Variants in NCKAP5 observed in about 807,000 individuals in gnomAD.
NCKAP5 encodes nck-associated protein 5.
NCKAP5 carries 92 observed loss-of-function variants against 167.0 expected under a neutral mutation model. The observed-to-expected ratio is 0.55, with a 90% CI of 0.47 to 0.66. The LOEUF is 0.66. Ranked by LOEUF, NCKAP5 falls within the 30% of genes least tolerant of loss-of-function variation. NCKAP5 has a pLI of 0.00. For synonymous variants in NCKAP5, 891 were observed against 877.4 expected (o/e 1.02, Z -0.27); for missense variants, 2,378 against 2,315.0 (o/e 1.03, Z -0.56).
At chr2:133,466,617 C>G (rs185138547) in intron 3 of NCKAP5, among the ~76,000 whole-genome samples, 2 of 152,054 alleles carry the variant, frequency 1.3e-5, no homozygotes, top group Non-Finnish European at 2.9e-5. Flanking sequence ...GCCATTTTCA[C>G]GATATTGATT....
chr2:133,292,730 T>C (rs763358484), intron 4 of NCKAP5, among the ~76,000 whole-genome samples: 1 of 152,216 alleles, frequency 6.6e-6, no homozygotes, highest in Non-Finnish European at 1.5e-5. Flanking sequence ...TTTTAAGTCA[T>C]GTATGGGCCT....
intron 6 of NCKAP5, among the ~76,000 whole-genome samples, chr2:133,060,996 C>T (rs1380748465): frequency 6.6e-6 from 1 of 151,700 alleles, no homozygotes; most frequent in Non-Finnish European, 1.5e-5. Flanking sequence ...ATAGAAAAAG[C>T]ACATCCAGAA....
In NCKAP5 at chr2:132,824,957, A is replaced by T. The variant is rs912331414; in HGVS notation, c.808-28228T>A. On this transcript the variant is annotated intron_variant, in intron 11 of 19. Transcript: ENST00000409261. ...TATGGTTGTTTGTTACCACAGCATG[A>T]CCTATCCTATTCTAACTGATTCAGT... Among the ~76,000 whole-genome samples, 3 of 152,188 alleles carry T rather than the reference A, an allele frequency of 2.0e-5. No individual in the cohort carries two copies. In the East Asian group the frequency reaches 5.8e-4, roughly 29 times the overall value.
chr2:133,010,647 A>G (rs2078126789), intron 6 of NCKAP5, among the ~76,000 whole-genome samples: 1 of 152,238 alleles, frequency 6.6e-6, no homozygotes, highest in Admixed American at 6.5e-5. Context: ...TCTGTTGCTA[A>G]GAAAGAACTG....
At position 132,783,241 on chromosome 2, in the gene NCKAP5, T is replaced by C; in HGVS notation, c.3570A>G (p.Pro1190=). ...TGCTTGCTGGATTCTTGGAGTCCTC[T>C]GGCTTAGACTTGTTCACAGCCACGG... ...KSSVAVNKSK[P]EDSKNPASME... The change falls in exon 14 of 20, where the codon CCA becomes CCG. Residue 1190 remains proline (P), a synonymous_variant. Transcript: ENST00000409261. 6.2e-7 allele frequency: 1 copy of C among 1,614,012 alleles called. No individual in the cohort carries two copies. The highest frequency in any genetic ancestry group is 2.2e-5 in the East Asian group (1 of 44,864).
At chr2:132,729,349 C>T (rs903005238) in intron 17 of NCKAP5, among the ~76,000 whole-genome samples, 8 of 152,192 alleles carry the variant, frequency 5.3e-5, no homozygotes, top group Non-Finnish European at 8.8e-5. Flanking sequence ...TGCCAATGGG[C>T]ATTAGCGTAG....
chr2:133,184,264 G>C (rs2084852013), intron 5 of NCKAP5, among the ~76,000 whole-genome samples: 1 of 151,968 alleles, frequency 6.6e-6, no homozygotes, highest in South Asian at 2.1e-4. Flanking sequence ...ATGGCCTCCA[G>C]CTCCATCCAT....
chr2:133,566,733 T>A (rs914803372), intron 1 of NCKAP5, among the ~76,000 whole-genome samples: 2 of 152,236 alleles, frequency 1.3e-5, no homozygotes, highest in Non-Finnish European at 2.9e-5. Flanking sequence ...GACAATCACT[T>A]CTCTTCCTTG....
At chr2:133,351,824 C>T (rs1181267127) in intron 3 of NCKAP5, among the ~76,000 whole-genome samples, 1 of 152,110 alleles carries the variant, frequency 6.6e-6, no homozygotes, top group Non-Finnish European at 1.5e-5. Context: ...TTCAGTATCC[C>T]ACCACTCCCC....
At chr2:132,786,829 T>C (rs749609882) in intron 13 of NCKAP5, among the ~76,000 whole-genome samples, 4 of 152,162 alleles carry the variant, frequency 2.6e-5, no homozygotes, top group Non-Finnish European at 5.9e-5. Context: ...GCTCTTTCTA[T>C]AGTACGTCGG....
At position 132,726,356 on chromosome 2, in the gene NCKAP5, C is replaced by T. The variant is rs146609711; in HGVS notation, c.5581-597G>A. Among the ~76,000 whole-genome samples, 302 of 152,328 alleles carry T rather than the reference C, an allele frequency of 2.0e-3. 2 individuals carry two copies. The highest frequency in any genetic ancestry group is 7.2e-3 in the African/African-American group (300 of 41,562). On this transcript the variant is annotated intron_variant, in intron 18 of 19. Transcript: ENST00000409261. ...GAGGAGCCCAGTTTCCCCTCTTGCT[C>T]ACATGTACACATCACCTGACCCCAT...
At chr2:133,651,182 T>C in the NCKAP5 span, among the ~76,000 whole-genome samples, 1 of 152,122 alleles carries the variant, frequency 6.6e-6, no homozygotes, top group East Asian at 1.9e-4. Flanking sequence ...GACTTCTGCA[T>C]AACAAAACAA....
chr2:132,949,876 T>G (rs971712140), intron 8 of NCKAP5, among the ~76,000 whole-genome samples: 2 of 152,170 alleles, frequency 1.3e-5, no homozygotes, highest in African/African-American at 4.8e-5. Context: ...GACAGATCAC[T>G]TGAGGTCAGG....
At chr2:133,205,282 A>C (rs1410410974) in intron 5 of NCKAP5, among the ~76,000 whole-genome samples, 3 of 83,196 alleles carry the variant, frequency 3.6e-5, no homozygotes, top group Non-Finnish European at 8.4e-5. Context: ...ACACAGCCAG[A>C]CTCTGAAATT....
In NCKAP5 at chr2:132,680,191, A is replaced by C. The variant is rs190685369; in HGVS notation, c.5714-6886T>G. ...GTTCCCTCTATTACCTCAACTGGAC[A>C]CATTACTCTTGACTTGCCCTTCTGA... On this transcript the variant is annotated intron_variant, in intron 19 of 19. Coordinates refer to ENST00000409261, the MANE Select transcript of NCKAP5 (RefSeq NM_207363.3). Among the ~76,000 whole-genome samples the C allele has an allele frequency of 9.1e-4, 137 of 150,740 alleles. 1 individual carries two copies. The highest frequency in any genetic ancestry group is 9.0e-3 in the Admixed American group (137 of 15,218).
intron 19 of NCKAP5, among the ~76,000 whole-genome samples, chr2:132,718,141 T>C (rs977426240): frequency 6.6e-6 from 1 of 152,184 alleles, no homozygotes; most frequent in Admixed American, 6.5e-5. Context: ...GGCAGGGCTG[T>C]GCCATTGAAC....
chr2:133,174,942 C>T (rs991736786), intron 5 of NCKAP5, among the ~76,000 whole-genome samples: 2 of 152,148 alleles, frequency 1.3e-5, no homozygotes, highest in Admixed American at 1.3e-4. Flanking sequence ...TTAGATGTGA[C>T]TAAATTTCCC....
intron 3 of NCKAP5, among the ~76,000 whole-genome samples, chr2:133,471,218 C>T (rs1679267912): frequency 6.6e-6 from 1 of 152,160 alleles, no homozygotes; most frequent in South Asian, 2.1e-4. Context: ...TGGGTGCACA[C>T]CCCTCTTTTG....
intron 6 of NCKAP5, among the ~76,000 whole-genome samples, chr2:133,058,959 A>T (rs1235606073): frequency 6.6e-6 from 1 of 152,196 alleles, no homozygotes; most frequent in Non-Finnish European, 1.5e-5. Context: ...CAACCTGATC[A>T]ATCAGCAGCC....
Sources: gnomAD v4.1 joint callset for allele counts (sites outside exome capture counted in the v4.1 genomes callset) on GRCh38, gnomAD v4.1.1 for gene constraint, MANE v1.5 for transcripts, NCBI Gene and HGNC (gene_info 2026-07-23, HGNC 2026-07-21) for gene names.